Variants in CFAP99 observed in about 807,000 individuals in gnomAD.
CFAP99 encodes the protein cilia and flagella associated protein 99.
CFAP99 carries 84 observed loss-of-function variants against 82.7 expected under a neutral mutation model. That is an observed-to-expected ratio of 1.02 (90% confidence interval 0.85 to 1.22). The LOEUF is 1.22. Ranked by LOEUF, CFAP99 falls within the 50% of genes most tolerant of loss-of-function variation. CFAP99 has a pLI of 0.00. For synonymous variants in CFAP99, 456 were observed against 429.5 expected (o/e 1.06, Z -0.76); for missense variants, 1,059 against 983.5 (o/e 1.08, Z -1.03).
At chr4:2,462,975 C>A, downstream of CFAP99, 2 of 1,084,840 alleles carry the variant, frequency 1.8e-6, no homozygotes, top group Non-Finnish European at 2.3e-6. The surrounding 1 kb of genome is among the most constrained non-coding windows in gnomAD (Gnocchi z 4.1). Flanking sequence ...CCTACACCCG[C>A]CGCCCCAATA....
At chr4:2,434,329 A>G (rs1311384717) in intron 2 of CFAP99, among the ~76,000 whole-genome samples, 2 of 152,182 alleles carry the variant, frequency 1.3e-5, no homozygotes, top group Admixed American at 6.5e-5. Flanking sequence ...CAGAAAGTGG[A>G]TAATGAACAA....
intron 1 of CFAP99, among the ~76,000 whole-genome samples, chr4:2,419,500 G>A (rs1238248222): frequency 1.3e-5 from 2 of 152,274 alleles, no homozygotes; most frequent in South Asian, 4.1e-4. Context: ...GCGGATCTGG[G>A]TCGGCCTGAC....
rs1734092620 is a variant in CFAP99 at position 2,443,254 on chromosome 4, G to T, written c.464+12G>T. 6.7e-6 allele frequency: 10 copies of T among 1,492,230 alleles called. No individual in the cohort carries two copies. Among genetic ancestry groups the T allele is most frequent in the Non-Finnish European group, 8.1e-6 (9 of 1,107,340 alleles). The allele number at this position is 1,492,230 out of a possible 1,614,324, so 92.4% of individuals were successfully genotyped here. On this transcript the variant is annotated intron_variant, in intron 5 of 14. Transcript: ENST00000635017. ...GACCCCCTGATGAGGTAGGCTGGAT[G>T]GGGGGCTCTGGGGGCCCTGAATGGC...
At chr4:2,454,582 T>TTTTTTTTTTTTTTTTTTTTTTTTTTTC (rs1491271081) in intron 11 of CFAP99, among the ~76,000 whole-genome samples, 1 of 46,144 alleles carries the variant, frequency 2.2e-5, no homozygotes, top group Non-Finnish European at 5.1e-5. Flanking sequence ...GTTTTTTTTC[T>TTTTTTTTTTTTTTTTTTTTTTTTTTTC]TTTTTTTTTT....
Position 2,436,875 on chromosome 4 carries a change from C to T in CFAP99, c.113C>T (p.Ala38Val), listed in dbSNP as rs542279405. ...CCCCACCGGCTGTCTCTCTTCCAGGCTCTGAGCCCCCAGAAGCAGAGCTTT... is the reference window on the plus strand; with the variant it reads ...CCCCACCGGCTGTCTCTCTTCCAGGTTCTGAGCCCCCAGAAGCAGAGCTTT... Residue 38 changes from alanine (A) to valine (V), a missense_variant and splice_region_variant, in exon 3 of 15, where the codon GCT (alanine) becomes GTT (valine). Ala to Val is a moderately conservative substitution (Grantham distance 64). Coordinates refer to ENST00000635017, the Ensembl canonical transcript of CFAP99. 3.9e-6 allele frequency: 6 copies of T among 1,535,936 alleles called. No homozygotes were observed. In the African/African-American group the frequency reaches 8.2e-5, roughly 21 times the overall value.
chr4:2,448,918 G>A lies in CFAP99; in HGVS notation c.643-752G>A, dbSNP rs1032333953. On this transcript the variant is annotated intron_variant, in intron 6 of 14. Coordinates refer to ENST00000635017, the Ensembl canonical transcript of CFAP99. This position sits in a 1 kb window ranked among gnomAD's most constrained non-coding sequence, Gnocchi z 5.2. ...AGCAGGTGGGCAGGAGATGGATGTG[G>A]GTGTGAGAGACAGAGGTGACAAGGA... Among the ~76,000 whole-genome samples, 3 of 152,204 alleles carry A rather than the reference G, an allele frequency of 2.0e-5. No homozygotes were observed. The highest frequency in any genetic ancestry group is 4.4e-5 in the Non-Finnish European group (3 of 68,032).
Position 2,462,089 on chromosome 4 carries a change from CA to C in CFAP99, c.1662-352del. The C allele has an allele frequency of 5.8e-6, 1 of 173,454 alleles. No homozygotes were observed. Among genetic ancestry groups the C allele is most frequent in the Non-Finnish European group, 1.2e-5 (1 of 82,466 alleles). 10.7% of individuals were successfully genotyped at this position (173,454 alleles called of 1,614,324 possible). A position where few individuals can be genotyped will look rare whatever the true frequency, so the allele number is the denominator to read the frequency against. ...GGAGAATTGCTTGAGCCTGGGAGGT[CA>C]AGGCTGCAGTGAGCCATGATCGCGC... is the stretch of plus-strand genomic sequence containing the variant. On this transcript the variant is annotated intron_variant, in intron 14 of 14. Transcript: ENST00000635017. The surrounding 1 kb of genome is among the most constrained non-coding windows in gnomAD (Gnocchi z 4.1).
At chr4:2,449,412 A>C (rs112531313) in intron 6 of CFAP99, among the ~76,000 whole-genome samples, 4 of 151,844 alleles carry the variant, frequency 2.6e-5, no homozygotes, top group African/African-American at 9.7e-5. Context: ...CTGCCGGCTC[A>C]TGTCTTACCC....
chr4:2,453,903 TC>T lies in CFAP99; in HGVS notation c.1161+1560del, dbSNP rs370922555. Among the ~76,000 whole-genome samples, 538 of 151,942 alleles carry T rather than the reference TC, an allele frequency of 3.5e-3. 6 individuals are homozygous for T. The highest frequency in any genetic ancestry group is 0.013 in the African/African-American group (520 of 41,436). On this transcript the variant is annotated intron_variant, in intron 11 of 14. Coordinates refer to ENST00000635017, the Ensembl canonical transcript of CFAP99. ...ATCTCAGCTCACTGCAACTTCCGCC[TC>T]CCGGGTTCAAGTGATTCTCCTGCCT...
intron 11 of CFAP99, among the ~76,000 whole-genome samples, chr4:2,454,549 T>C (rs1315866807): frequency 6.6e-6 from 1 of 151,914 alleles, no homozygotes; most frequent in South Asian, 2.1e-4. Flanking sequence ...ATCTACTCTC[T>C]TAGCAATTTT....
chr4:2,455,762 G>A (rs1167094606), intron 11 of CFAP99, among the ~76,000 whole-genome samples: 3 of 152,116 alleles, frequency 2.0e-5, no homozygotes, highest in African/African-American at 7.2e-5. Flanking sequence ...CTGGTCTAAG[G>A]ATGTCTAGCT....
intron 11 of CFAP99, among the ~76,000 whole-genome samples, chr4:2,452,754 T>A (rs1369590895): frequency 6.6e-6 from 1 of 152,196 alleles, no homozygotes; most frequent in East Asian, 1.9e-4. Flanking sequence ...CTTTCCTTTT[T>A]ACTTTTTTAA....
At chr4:2,436,883 C>T in exon 3 of CFAP99, 1 of 1,536,018 alleles carries the variant, frequency 6.5e-7, no homozygotes, top group South Asian at 1.2e-5. Flanking sequence ...GGCTCTGAGC[C>T]CCCAGAAGCA....
chr4:2,443,500 C>T (rs112114281), intron 5 of CFAP99, among the ~76,000 whole-genome samples: 6 of 152,348 alleles, frequency 3.9e-5, no homozygotes, highest in African/African-American at 9.6e-5. Context: ...TCAGCTGACA[C>T]GTGGCGGGTG....
rs1734227708 is a variant in CFAP99 at position 2,448,829 on chromosome 4, C to G, written c.643-841C>G. Among the ~76,000 whole-genome samples the G allele has an allele frequency of 6.6e-6, 1 of 152,236 alleles. No individual in the cohort carries two copies. The highest frequency in any genetic ancestry group is 2.4e-5 in the African/African-American group (1 of 41,464). On this transcript the variant is annotated intron_variant, in intron 6 of 14. Transcript: ENST00000635017. This position sits in a 1 kb window ranked among gnomAD's most constrained non-coding sequence, Gnocchi z 5.2. ...ACATTGAGGCAGGCTGGCGCCAACA[C>G]AGGGTCCCTCCAGCTGCCGTGGCCA...
intron 6 of CFAP99, among the ~76,000 whole-genome samples, chr4:2,447,935 GGA>G (rs1734208561): frequency 1.7e-4 from 13 of 77,642 alleles, no homozygotes; most frequent in East Asian, 9.4e-4. Context: ...ATGGGTGGAT[GGA>G]TGGATGGATG....
Position 2,426,497 on chromosome 4 carries a change from A to G in CFAP99, c.22A>G (p.Ile8Val), listed in dbSNP as rs1733686963. Residue 8 changes from isoleucine (I) to valine (V), a missense_variant, in exon 2 of 15, where the codon ATT (isoleucine) becomes GTT (valine). Coordinates refer to ENST00000635017, the Ensembl canonical transcript of CFAP99. Reference sequence around the variant, plus strand: ...GAAGATGGCCTACTATGGAAAATGCATTGAAACTGTGATCGAGCAACTCGA... The same window carrying G: ...GAAGATGGCCTACTATGGAAAATGCGTTGAAACTGTGATCGAGCAACTCGA... The G allele has an allele frequency of 1.3e-6, 2 of 1,536,022 alleles. No individual in the cohort carries two copies. The highest frequency in any genetic ancestry group is 2.0e-5 in the Admixed American group (1 of 50,998).
intron 9 of CFAP99, 66 bp downstream of exon 9, chr4:2,451,084 C>T (rs1734289271): frequency 6.7e-7 from 1 of 1,493,798 alleles, no homozygotes; most frequent in South Asian, 1.2e-5. Context: ...ACCTTTTCTG[C>T]CCGTAGAGGC....
At chr4:2,429,563 G>A (rs1252236029) in intron 2 of CFAP99, among the ~76,000 whole-genome samples, 1 of 151,476 alleles carries the variant, frequency 6.6e-6, no homozygotes, top group Non-Finnish European at 1.5e-5. Flanking sequence ...TTCCTCAGAG[G>A]CACTGGTTTT....
Sources: gnomAD v4.1 joint callset for allele counts (sites outside exome capture counted in the v4.1 genomes callset) on GRCh38, gnomAD v4.1.1 for gene constraint, Gnocchi (gnomAD v3.1) non-coding constraint, MANE v1.5 for transcripts, NCBI Gene and HGNC (gene_info 2026-07-23, HGNC 2026-07-21) for gene names.